MMP20: variants seen among roughly 807,000 people sequenced by gnomAD.
MMP20 encodes matrix metalloproteinase-20.
In MMP20, 50 loss-of-function variants were observed where a neutral mutation model predicts 51.8. That is an observed-to-expected ratio of 0.97 (90% CI 0.77 to 1.22). The LOEUF (loss-of-function observed/expected upper bound fraction) is 1.22, where lower values mean the gene tolerates loss of function less well. MMP20 is among the 50% of genes most tolerant of loss of function. The pLI is 0.00. For synonymous variants in MMP20, 244 were observed against 216.2 expected (o/e 1.13, Z -1.13); for missense variants, 663 against 601.4 (o/e 1.10, Z -1.07).
chr11:102,623,674 C>A (rs889515966), intron 1 of MMP20, among the ~76,000 whole-genome samples: 4 of 152,210 alleles, frequency 2.6e-5, no homozygotes, highest in Non-Finnish European at 4.4e-5. Context: ...CTAACCTCTG[C>A]CATTGTGGCA....
intron 8 of MMP20, among the ~76,000 whole-genome samples, chr11:102,580,003 G>C (rs1859175082): frequency 6.6e-6 from 1 of 152,196 alleles, no homozygotes; most frequent in South Asian, 2.1e-4. Context: ...ATAAAGAAAT[G>C]TGTGAACAAT....
intron 8 of MMP20, among the ~76,000 whole-genome samples, chr11:102,587,066 T>C (rs1859262828): frequency 6.6e-6 from 1 of 152,180 alleles, no homozygotes; most frequent in African/African-American, 2.4e-5. Flanking sequence ...TTTTTCTCCT[T>C]TTTAAATATA....
intron 8 of MMP20, 114 bp from the exon 9 acceptor site, chr11:102,579,256 T>C (rs1490305195): frequency 1.4e-6 from 1 of 705,744 alleles, no homozygotes; most frequent in Non-Finnish European, 2.5e-6. Flanking sequence ...TTCCTCTCTC[T>C]CTCTGTTTCA....
At position 102,617,069 on chromosome 11, in the gene MMP20, A is replaced by T. The variant is rs1376135355; in HGVS notation, c.127-10T>A. On this transcript the variant is annotated splice_polypyrimidine_tract_variant and intron_variant, in intron 1 of 9. Coordinates refer to ENST00000260228, the MANE Select transcript of MMP20 (RefSeq NM_004771.4). The stretch of plus-strand genomic sequence containing the variant: ...ATTTGTCAAGATACGCCTGAAATGG[A>T]GAGGCAGGCTGACGCGTCTACAGCG... 2 of 1,614,186 alleles carry T rather than the reference A, an allele frequency of 1.2e-6. No individual in the cohort carries two copies. Among genetic ancestry groups the T allele is most frequent in the African/African-American group, 2.7e-5 (2 of 75,058 alleles).
At position 102,585,463 on chromosome 11, in the gene MMP20, C is replaced by A. The variant is rs557896759; in HGVS notation, c.1248-6321G>T. On this transcript the variant is annotated intron_variant, in intron 8 of 9. Coordinates refer to ENST00000260228, the MANE Select transcript of MMP20 (RefSeq NM_004771.4). The stretch of plus-strand genomic sequence containing the variant: ...AACACATTGAATTCATTCCTTGCAA[C>A]CTTTCTGAACTCATTTATTAGTTCT... Among the ~76,000 whole-genome samples the A allele has an allele frequency of 4.6e-5, 7 of 152,232 alleles. No individual in the cohort carries two copies. The South Asian group carries it at 1.0e-3, about 23-fold the overall frequency.
intron 6 of MMP20, 73 bp from the exon 7 acceptor site, chr11:102,594,830 T>C (rs1859362553): frequency 6.4e-7 from 1 of 1,563,274 alleles, no homozygotes; most frequent in African/African-American, 1.4e-5. Context: ...AATTGCACTT[T>C]GACTGAAATG....
chr11:102,610,051 G>A (rs371340860), intron 3 of MMP20, 21 bp from the exon 4 acceptor site: 14 of 1,613,738 alleles, frequency 8.7e-6, no homozygotes, highest in Middle Eastern at 1.7e-4. Flanking sequence ...GGGGAGAAAG[G>A]CCAACAAGAT....
At chr11:102,602,455 T>C (rs1784438) in intron 6 of MMP20, among the ~76,000 whole-genome samples, 77,517 of 151,896 alleles carry the variant, frequency 0.51, 20,308 homozygotes, top group South Asian at 0.66. Context: ...GTTGCCCCAC[T>C]TGCAAGCAGA....
chr11:102,624,589 G>A (rs7116246), intron 1 of MMP20, among the ~76,000 whole-genome samples: 113,645 of 151,948 alleles, frequency 0.75, 42,708 homozygotes, highest in East Asian at 0.92. Context: ...GTTGTACTTT[G>A]TACTTACTAC....
intron 3 of MMP20, 101 bp downstream of exon 3, chr11:102,611,654 C>T (rs141434599): frequency 1.9e-5 from 28 of 1,436,640 alleles, no homozygotes; most frequent in East Asian, 6.9e-5. Context: ...CAGCACTGTG[C>T]GAAGGAGGAG....
chr11:102,610,294 G>A (rs1859581052), intron 3 of MMP20, among the ~76,000 whole-genome samples: 1 of 144,382 alleles, frequency 6.9e-6, no homozygotes, highest in African/African-American at 2.5e-5. Context: ...CATGACATCT[G>A]TTAACTGACA....
At position 102,625,252 on chromosome 11, in the gene MMP20, G is replaced by A. The variant is rs372940319; in HGVS notation, c.68C>T (p.Ala23Val). The A allele has an allele frequency of 8.7e-6, 14 of 1,613,888 alleles. No homozygotes were observed. Among genetic ancestry groups the A allele is most frequent in the African/African-American group, 6.7e-5 (5 of 75,024 alleles). The change falls in exon 1 of 10, where the codon GCC becomes GTC. Residue 23 changes from alanine to valine, a missense_variant. By Grantham distance (64) the Ala-to-Val change is moderately conservative. Coordinates refer to ENST00000260228, the MANE Select transcript of MMP20 (RefSeq NM_004771.4). ...LIMALKFSTA[A>V]PSLVAASPRT... ...GGGGGAGGCTGCAACTAGGGAGGGGGCTGCAGTGGAAAACTTCAAAGCCAT... is the reference window on the plus strand; with the variant it reads ...GGGGGAGGCTGCAACTAGGGAGGGGACTGCAGTGGAAAACTTCAAAGCCAT...
intron 1 of MMP20, among the ~76,000 whole-genome samples, chr11:102,624,637 T>C (rs759333861): frequency 6.6e-6 from 1 of 152,134 alleles, no homozygotes; most frequent in Admixed American, 6.5e-5. Flanking sequence ...AAACTTTTAC[T>C]TCATTGGGGA....
intron 2 of MMP20, among the ~76,000 whole-genome samples, chr11:102,614,647 T>C (rs1361511555): frequency 6.6e-6 from 1 of 152,202 alleles, no homozygotes; most frequent in Non-Finnish European, 1.5e-5. Flanking sequence ...ATTGCTTTGT[T>C]TTTTTGTTCA....
At chr11:102,622,824 C>A (rs1859767733) in intron 1 of MMP20, among the ~76,000 whole-genome samples, 1 of 152,328 alleles carries the variant, frequency 6.6e-6, no homozygotes, top group Admixed American at 6.5e-5. Context: ...ACTTATGCTG[C>A]CTATTTTACT....
chr11:102,608,417 A>G (rs960413128), intron 5 of MMP20, among the ~76,000 whole-genome samples: 1 of 152,234 alleles, frequency 6.6e-6, no homozygotes, highest in Non-Finnish European at 1.5e-5. Flanking sequence ...ACTGTCTTCA[A>G]ACCTCAGCTT....
At chr11:102,620,292 C>T (rs751955985) in intron 1 of MMP20, among the ~76,000 whole-genome samples, 1 of 152,188 alleles carries the variant, frequency 6.6e-6, no homozygotes, top group Non-Finnish European at 1.5e-5. Context: ...GAACTCTGGG[C>T]ACTTTCTTGC....
intron 6 of MMP20, among the ~76,000 whole-genome samples, chr11:102,598,012 C>T (rs149480133): frequency 0.018 from 2,758 of 151,144 alleles, 76 homozygotes; most frequent in African/African-American, 0.062. Flanking sequence ...GGTGATCTGC[C>T]TGCCTCCACC....
chr11:102,605,516 C>T (rs1053945471), intron 6 of MMP20: 13 of 151,760 alleles, frequency 8.6e-5, no homozygotes, highest in African/African-American at 1.9e-4. Flanking sequence ...ATTTCTCAAA[C>T]GTCTGCTCCT....
Sources: gnomAD v4.1 joint callset for allele counts (sites outside exome capture counted in the v4.1 genomes callset) on GRCh38, gnomAD v4.1.1 for gene constraint, MANE v1.5 for transcripts, NCBI Gene and HGNC (gene_info 2026-07-23, HGNC 2026-07-21) for gene names.